PTPRD: variants seen among roughly 807,000 people sequenced by gnomAD.
The protein encoded by PTPRD is receptor-type tyrosine-protein phosphatase delta.
A neutral mutation model predicts 214.5 loss-of-function variants in PTPRD; 34 were observed. The ratio of observed to expected loss-of-function variants is 0.16; its 90% CI spans 0.12 to 0.21. The LOEUF is 0.21. Among genes scored for constraint, PTPRD ranks in the 10% least tolerant of loss-of-function variants. PTPRD has a pLI of 1.00. For synonymous variants in PTPRD, 1,128 were observed against 845.7 expected, an observed-to-expected ratio of 1.33 and a Z score of -5.79; for missense variants, 2,545 against 2,398.7, an observed-to-expected ratio of 1.06 and a Z score of -1.27.
chr9:10,119,304 T>G (rs73641854), intron 3 of PTPRD, among the ~76,000 whole-genome samples: 9 of 151,956 alleles, frequency 5.9e-5, no homozygotes, highest in African/African-American at 1.9e-4. Context: ...GCTCTGGTCA[T>G]CCAAAGACAG....
intron 3 of PTPRD, among the ~76,000 whole-genome samples, chr9:10,154,377 A>G (rs1367202966): frequency 2.6e-5 from 4 of 152,158 alleles, no homozygotes; most frequent in Admixed American, 2.6e-4. Context: ...GACCTTTGTC[A>G]AATGTACAAT....
At chr9:10,290,110 G>C (rs1160892274) in intron 3 of PTPRD, among the ~76,000 whole-genome samples, 1 of 152,104 alleles carries the variant, frequency 6.6e-6, no homozygotes, top group African/African-American at 2.4e-5. Context: ...TTATCCAGGA[G>C]CTTCCCCAAA....
intron 11 of PTPRD, among the ~76,000 whole-genome samples, chr9:8,930,331 T>G (rs2098943739): frequency 6.6e-6 from 1 of 152,148 alleles, no homozygotes; most frequent in Admixed American, 6.6e-5. Context: ...ATGGTGTATA[T>G]GTGCCACATT....
intron 3 of PTPRD, among the ~76,000 whole-genome samples, chr9:10,159,021 C>G (rs2099111095): frequency 6.6e-6 from 1 of 152,040 alleles, no homozygotes; most frequent in Non-Finnish European, 1.5e-5. Context: ...CCACTGGTCC[C>G]CCTGGGCATG....
intron 11 of PTPRD, among the ~76,000 whole-genome samples, chr9:8,768,071 T>C (rs527447407): frequency 6.6e-6 from 1 of 152,248 alleles, no homozygotes; most frequent in South Asian, 2.1e-4. Flanking sequence ...CAAAGACAGT[T>C]GTTACTATTT....
At chr9:9,181,112 C>T (rs68175693) in intron 10 of PTPRD, among the ~76,000 whole-genome samples, 37,154 of 151,754 alleles carry the variant, frequency 0.24, 4,752 homozygotes, top group Middle Eastern at 0.33. Context: ...GCCTCCTTGG[C>T]CATCAGTTTC....
rs1342023390 is a variant in PTPRD at position 8,871,638 on chromosome 9, C to T, written c.-103-137692G>A. Among the ~76,000 whole-genome samples the T allele has an allele frequency of 2.0e-5, 3 of 152,098 alleles. No individual in the cohort carries two copies. In the South Asian group the frequency reaches 6.2e-4, roughly 32 times the overall value. On this transcript the variant is annotated intron_variant, in intron 11 of 45. Transcript: ENST00000381196. Reference sequence around the variant, plus strand: ...CAAAATTCCTCTCTGTCATTTACCCCTAAAGCTGACATGATCATAGCAGTG... The same window carrying T: ...CAAAATTCCTCTCTGTCATTTACCCTTAAAGCTGACATGATCATAGCAGTG...
chr9:9,190,163 C>T (rs1569560513), intron 9 of PTPRD, among the ~76,000 whole-genome samples: 1 of 151,980 alleles, frequency 6.6e-6, no homozygotes, highest in Non-Finnish European at 1.5e-5. Context: ...GTCATGAGGG[C>T]TCTGTTCTCA....
At chr9:9,192,119 G>A (rs978984393) in intron 9 of PTPRD, among the ~76,000 whole-genome samples, 1 of 151,980 alleles carries the variant, frequency 6.6e-6, no homozygotes, top group Non-Finnish European at 1.5e-5. Context: ...CTAAAAATGA[G>A]AGCATGACAC....
chr9:9,018,882 T>C, intron 10 of PTPRD, 147 bp from the exon 11 acceptor site: 1 of 152,188 alleles, frequency 6.6e-6, no homozygotes, highest in East Asian at 1.9e-4. Context: ...ATTTTGGCAT[T>C]TCCTTTCACA....
chr9:9,945,818 C>G (rs1292725573), intron 4 of PTPRD, among the ~76,000 whole-genome samples: 1 of 152,100 alleles, frequency 6.6e-6, no homozygotes, highest in Admixed American at 6.6e-5. Flanking sequence ...AGACCATGTT[C>G]TCTGACCATA....
chr9:8,363,567 A>T (rs1490798663), intron 39 of PTPRD, among the ~76,000 whole-genome samples: 1 of 152,164 alleles, frequency 6.6e-6, no homozygotes, highest in Non-Finnish European at 1.5e-5. Flanking sequence ...AAAAACCCTC[A>T]GTTTGGGTTG....
At chr9:8,894,009 T>C (rs2098572815) in intron 11 of PTPRD, among the ~76,000 whole-genome samples, 1 of 152,062 alleles carries the variant, frequency 6.6e-6, no homozygotes, top group Non-Finnish European at 1.5e-5. Flanking sequence ...TTGTATTTTG[T>C]AAAGCACACC....
intron 4 of PTPRD, among the ~76,000 whole-genome samples, chr9:9,955,880 C>T (rs1286692348): frequency 2.6e-5 from 4 of 152,050 alleles, no homozygotes; most frequent in African/African-American, 9.7e-5. Context: ...TTTTCCAAAA[C>T]TTAATGTAAC....
chr9:9,549,072 C>T (rs539116961), intron 8 of PTPRD, among the ~76,000 whole-genome samples: 1 of 152,002 alleles, frequency 6.6e-6, no homozygotes, highest in Admixed American at 6.6e-5. Context: ...AAAGCATAGG[C>T]AACTATCTTT....
intron 11 of PTPRD, among the ~76,000 whole-genome samples, chr9:8,873,732 T>C (rs10759011): frequency 0.29 from 43,679 of 152,038 alleles, 6,856 homozygotes; most frequent in Non-Finnish European, 0.35. Flanking sequence ...AATGAAAGCA[T>C]TGGGGGACTA....
intron 5 of PTPRD, among the ~76,000 whole-genome samples, chr9:9,925,044 G>T (rs898853955): frequency 6.6e-6 from 1 of 151,948 alleles, no homozygotes; most frequent in Non-Finnish European, 1.5e-5. Context: ...TTAGCAGCTG[G>T]TATATAATTG....
intron 9 of PTPRD, among the ~76,000 whole-genome samples, chr9:9,282,927 T>C (rs1209309263): frequency 6.6e-6 from 1 of 151,470 alleles, no homozygotes; most frequent in African/African-American, 2.4e-5. Context: ...TTCAATATGT[T>C]AGATTACACT....
intron 7 of PTPRD, among the ~76,000 whole-genome samples, chr9:9,635,221 C>G (rs550186877): frequency 1.0e-3 from 157 of 152,226 alleles, no homozygotes; most frequent in African/African-American, 3.7e-3. Flanking sequence ...AAGAAACCCC[C>G]TTATGTCTGA....
Sources: allele counts gnomAD v4.1 joint callset (sites outside exome capture counted in the v4.1 genomes callset), GRCh38; gene constraint gnomAD v4.1.1; transcripts MANE v1.5; gene names NCBI Gene and HGNC (gene_info 2026-07-23, HGNC 2026-07-21).